Variants in CLU observed in about 807,000 individuals in gnomAD.
CLU encodes the protein aging-associated protein 4.
In CLU, 25 loss-of-function variants were observed where a neutral mutation model predicts 46.4. The ratio of observed to expected loss-of-function variants is 0.54; its 90% CI spans 0.39 to 0.75. The LOEUF is 0.75. CLU is among the 30% of genes least tolerant of loss of function. CLU has a pLI of 0.00. For synonymous variants in CLU, 235 were observed against 235.1 expected (o/e 1.00, Z 0.00); for missense variants, 504 against 592.1 (o/e 0.85, Z 1.54).
In CLU at chr8:27,600,421, C is replaced by T. The variant is rs9331932; in HGVS notation, c.935-412G>A. On this transcript the variant is annotated intron_variant, in intron 6 of 8. Coordinates refer to ENST00000316403, the MANE Select transcript of CLU (RefSeq NM_001831.4). ...AGCTAATTTTTGTATTTTTTGTAGA[C>T]ACGGGGTTTCTCTGTGTTGTCCAGG... Among the ~76,000 whole-genome samples, 461 of 152,020 alleles carry T rather than the reference C, an allele frequency of 3.0e-3. 1 individual carries two copies. The highest frequency in any genetic ancestry group is 0.011 in the African/African-American group (452 of 41,472).
At chr8:27,600,543 A>G (rs558628351) in intron 6 of CLU, among the ~76,000 whole-genome samples, 2 of 152,324 alleles carry the variant, frequency 1.3e-5, no homozygotes, top group South Asian at 4.1e-4. Flanking sequence ...TTGCTCTGGA[A>G]AAATACGCCA....
chr8:27,597,330 G>C lies in CLU; in HGVS notation c.*911C>G, dbSNP rs1443202053. On this transcript the variant is annotated 3_prime_UTR_variant, in exon 9 of 9. Transcript: ENST00000316403. ...GTACCACGGGTAGTCATGGCCACCT[G>C]CTGGCAGCGTAGGGTACTGCAGCCC... 2.2e-6 allele frequency: 1 copy of C among 454,440 alleles called. No individual in the cohort carries two copies. Among genetic ancestry groups the C allele is most frequent in the Non-Finnish European group, 4.4e-6 (1 of 226,806 alleles). The allele number at this position is 454,440 out of a possible 1,614,324, so 28.2% of individuals were successfully genotyped here.
At chr8:27,610,865 G>A (rs1235841802) in intron 1 of CLU, 1 of 444,726 alleles carries the variant, frequency 2.2e-6, no homozygotes, top group Non-Finnish European at 4.2e-6. Context: ...CCCTGGCATC[G>A]GAGGAACCAG....
Position 27,597,276 on chromosome 8 carries a change from G to C in CLU, c.*965C>G. 1 of 454,292 alleles carries C rather than the reference G, an allele frequency of 2.2e-6. No individual in the cohort carries two copies. The highest frequency in any genetic ancestry group is 4.4e-6 in the Non-Finnish European group (1 of 226,784). The allele number at this position is 454,292 out of a possible 1,614,324, so 28.1% of individuals were successfully genotyped here. ...ATTCTATCAGAGAATGTTAATGAAC[G>C]AAAAGCCTGAGCTTTAAGACTGAGA... On this transcript the variant is annotated 3_prime_UTR_variant, in exon 9 of 9. Coordinates refer to ENST00000316403, the MANE Select transcript of CLU (RefSeq NM_001831.4).
chr8:27,606,842 C>T (rs1800831070), intron 3 of CLU, among the ~76,000 whole-genome samples: 1 of 152,282 alleles, frequency 6.6e-6, no homozygotes, highest in African/African-American at 2.4e-5. Flanking sequence ...TACCCTCTCA[C>T]TGAAGCCTCA....
rs573456585 is a variant in CLU at position 27,605,023 on chromosome 8, A to G, written c.730T>C (p.Phe244Leu). 33 of 1,614,124 alleles carry G rather than the reference A, an allele frequency of 2.0e-5. No homozygotes were observed. The South Asian group carries it at 3.5e-4, about 17-fold the overall frequency. ...TGTATCATCTCAAGGAAGGGCTGGA[A>G]CATGGCGTGGAAGTTCAGGGGCTCG... ...PYEPLNFHAM[F>L]QPFLEMIHEA... The change falls in exon 5 of 9, where the codon TTC becomes CTC. Residue 244 changes from phenylalanine (F) to leucine (L), a missense_variant. Physicochemically the swap from Phe to Leu is conservative, Grantham distance 22. This residue lies in a region of CLU where 428 missense variants were observed against 484.0 expected (regional missense o/e 0.88). Transcript: ENST00000316403.
In CLU at chr8:27,597,339, G is replaced by A. The variant is rs531190008; in HGVS notation, c.*902C>T. ...GTAGTCATGGCCACCTGCTGGCAGC[G>A]TAGGGTACTGCAGCCCAGCTATGGT... On this transcript the variant is annotated 3_prime_UTR_variant, in exon 9 of 9. Coordinates refer to ENST00000316403, the MANE Select transcript of CLU (RefSeq NM_001831.4). 1.1e-3 allele frequency: 507 copies of A among 454,534 alleles called. 7 individuals carry two copies. The highest frequency in any genetic ancestry group is 4.9e-3 in the South Asian group (313 of 64,472). 28.2% of individuals were successfully genotyped at this position (454,534 alleles called of 1,614,324 possible).
chr8:27,613,076 G>A (rs986144339), intron 1 of CLU, among the ~76,000 whole-genome samples: 20 of 152,080 alleles, frequency 1.3e-4, no homozygotes, highest in Middle Eastern at 3.4e-3. Flanking sequence ...AGCAGGGCAG[G>A]GCTGGAGGCT....
chr8:27,610,873 C>A, intron 1 of CLU: 1 of 435,860 alleles, frequency 2.3e-6, no homozygotes, highest in South Asian at 2.1e-5. Flanking sequence ...TCGGAGGAAC[C>A]AGGCTCTTGT....
rs772433464 is a variant in CLU at position 27,608,937 on chromosome 8, C to G, written c.246+1G>C. The G allele has an allele frequency of 1.2e-6, 2 of 1,614,196 alleles. No individual in the cohort carries two copies. The highest frequency in any genetic ancestry group is 1.7e-6 in the Non-Finnish European group (2 of 1,180,038). The stretch of plus-strand genomic sequence containing the variant: ...GGGAGGCGGTAGCGGCTCCTCCTGA[C>G]CTCTTTCTTCTTCTTGGCTTCTTCT... On this transcript the variant is annotated splice_donor_variant, in intron 3 of 8. Transcript: ENST00000316403. LOFTEE classifies it high-confidence loss of function.
chr8:27,607,501 A>ACTATG (rs992973920), intron 3 of CLU, among the ~76,000 whole-genome samples: 1 of 152,090 alleles, frequency 6.6e-6, no homozygotes, highest in Non-Finnish European at 1.5e-5. Flanking sequence ...GATTAAACAA[A>ACTATG]CTATGGTTCA....
At position 27,604,946 on chromosome 8, in the gene CLU, G is replaced by A; in HGVS notation, c.807C>T (p.His269=). Reference sequence around the variant, plus strand: ...CACCTCGTATGAATTCTGTTGGCGGGTGCTGGAAGGCCGGGCTATGGAAGT... The same window carrying A: ...CACCTCGTATGAATTCTGTTGGCGGATGCTGGAAGGCCGGGCTATGGAAGT... ...DIHFHSPAFQ[H]PPTEFIREGD... is the part of the protein sequence containing the mutation. Residue 269 remains histidine (H), a synonymous_variant, in exon 5 of 9, where the codon CAC becomes CAT. Transcript: ENST00000316403. The A allele has an allele frequency of 6.2e-7, 1 of 1,614,184 alleles. No homozygotes were observed. Among genetic ancestry groups the A allele is most frequent in the Non-Finnish European group, 8.5e-7 (1 of 1,180,032 alleles).
At position 27,604,415 on chromosome 8, in the gene CLU, G is replaced by A. The variant is rs1800778390; in HGVS notation, c.830-20C>T. 3.1e-6 allele frequency: 5 copies of A among 1,595,338 alleles called. No homozygotes were observed. Among genetic ancestry groups the A allele is most frequent in the Non-Finnish European group, 4.3e-6 (5 of 1,162,992 alleles). ...CGCCTTCTGGGGACACACGAGGGAAGAAGAGTCAGTCATCCAGCCATGCAG... is the reference window on the plus strand; with the variant it reads ...CGCCTTCTGGGGACACACGAGGGAAAAAGAGTCAGTCATCCAGCCATGCAG... On this transcript the variant is annotated intron_variant, in intron 5 of 8. Transcript: ENST00000316403.
intron 2 of CLU, among the ~76,000 whole-genome samples, chr8:27,609,395 G>GA (rs11449170): frequency 0.6 from 88,955 of 148,800 alleles, 26,471 homozygotes; most frequent in East Asian, 0.77. Context: ...ACTTGGCAAG[G>GA]AAAAAAAAAA....
intron 1 of CLU, chr8:27,610,809 G>A (rs1563389172): frequency 3.6e-6 from 2 of 556,082 alleles, no homozygotes; most frequent in Non-Finnish European, 6.5e-6. Context: ...GAGGTGCAGG[G>A]AGGGAGGGAC....
intron 1 of CLU, among the ~76,000 whole-genome samples, chr8:27,613,264 G>A (rs1019618278): frequency 1.3e-5 from 2 of 152,090 alleles, no homozygotes; most frequent in Non-Finnish European, 2.9e-5. Flanking sequence ...GCATGCGCCT[G>A]TAGTCCCAGC....
intron 5 of CLU, among the ~76,000 whole-genome samples, 155 bp from the exon 6 acceptor site, chr8:27,604,550 G>A (rs1800781027): frequency 6.6e-6 from 1 of 152,158 alleles, no homozygotes; most frequent in Non-Finnish European, 1.5e-5. Flanking sequence ...ATAGCTCACT[G>A]CAGCCTCCAA....
At chr8:27,604,738 C>G (rs1302477910) in intron 5 of CLU, among the ~76,000 whole-genome samples, 186 bp downstream of exon 5, 1 of 152,228 alleles carries the variant, frequency 6.6e-6, no homozygotes, top group African/African-American at 2.4e-5. Flanking sequence ...CTTGGCCTCT[C>G]AAAGTGCTGG....
In CLU at chr8:27,597,243, T is replaced by C. The variant is rs1486570531; in HGVS notation, c.*998A>G. ...TTTTGTTCCATTGCAGTACATCTGATGACCAGAATTCTATCAGAGAATGTT... is the reference window on the plus strand; with the variant it reads ...TTTTGTTCCATTGCAGTACATCTGACGACCAGAATTCTATCAGAGAATGTT... On this transcript the variant is annotated 3_prime_UTR_variant, in exon 9 of 9. Coordinates refer to ENST00000316403, the MANE Select transcript of CLU (RefSeq NM_001831.4). 2 of 454,146 alleles carry C rather than the reference T, an allele frequency of 4.4e-6. No individual in the cohort carries two copies. Among genetic ancestry groups the C allele is most frequent in the Non-Finnish European group, 8.8e-6 (2 of 226,794 alleles). The allele number at this position is 454,146 out of a possible 1,614,324, so 28.1% of individuals were successfully genotyped here. A position where few individuals can be genotyped will look rare whatever the true frequency, so the allele number is the denominator to read the frequency against.
Sources: allele counts gnomAD v4.1 joint callset (sites outside exome capture counted in the v4.1 genomes callset), GRCh38; gene constraint gnomAD v4.1.1; regional missense constraint gnomAD v4.1.1; transcripts MANE v1.5; gene names NCBI Gene and HGNC (gene_info 2026-07-23, HGNC 2026-07-21).